CATSPERT: variants seen among roughly 807,000 people sequenced by gnomAD.
CATSPERT encodes the protein cation channel sperm-associated targeting subunit tau.
chr2:201,487,776 C>G, the CATSPERT span: 2 of 1,614,108 alleles, frequency 1.2e-6, no homozygotes, highest in African/African-American at 1.3e-5. Context: ...TATGGTCTTG[C>G]AGAGTGTCTG....
the CATSPERT span, among the ~76,000 whole-genome samples, chr2:201,539,151 G>T: frequency 2.0e-5 from 3 of 152,094 alleles, no homozygotes; most frequent in Non-Finnish European, 4.4e-5. Flanking sequence ...CTTTATAAAA[G>T]AATGATTTAT....
chr2:201,605,617 C>A, the CATSPERT span, among the ~76,000 whole-genome samples: 2 of 152,020 alleles, frequency 1.3e-5, no homozygotes, highest in Non-Finnish European at 2.9e-5. Flanking sequence ...ATGACCATGG[C>A]CAAGAAATAC....
the CATSPERT span, among the ~76,000 whole-genome samples, chr2:201,544,341 C>G: frequency 6.6e-6 from 1 of 152,146 alleles, no homozygotes; most frequent in South Asian, 2.1e-4. Context: ...GTCTTTAGAG[C>G]AGCATGATTT....
chr2:201,611,528 C>T, the CATSPERT span, among the ~76,000 whole-genome samples: 1 of 152,006 alleles, frequency 6.6e-6, no homozygotes, highest in South Asian at 2.1e-4. Context: ...CTCAAATAAA[C>T]AACCTAACTT....
chr2:201,503,810 T>C, the CATSPERT span, among the ~76,000 whole-genome samples: 1 of 152,206 alleles, frequency 6.6e-6, no homozygotes, highest in African/African-American at 2.4e-5. Flanking sequence ...TATGCACATT[T>C]AAATTACTTG....
At chr2:201,534,859 T>C in the CATSPERT span, 3 of 729,482 alleles carry the variant, frequency 4.1e-6, no homozygotes, top group Non-Finnish European at 5.0e-6. Flanking sequence ...GAGGATATTC[T>C]ACATCTTGCA....
At chr2:201,502,004 C>G in the CATSPERT span, among the ~76,000 whole-genome samples, 1 of 152,162 alleles carries the variant, frequency 6.6e-6, no homozygotes, top group Non-Finnish European at 1.5e-5. Context: ...ACAAGCAAGT[C>G]CATCCTTCAG....
chr2:201,536,189 G>C, the CATSPERT span: 1 of 1,613,310 alleles, frequency 6.2e-7, no homozygotes, highest in Non-Finnish European at 8.5e-7. Flanking sequence ...TAGAAATAGT[G>C]CACAATGAGT....
At chr2:201,515,202 G>GTTTTTTTTTTTTTTTTTTT in the CATSPERT span, among the ~76,000 whole-genome samples, 29 of 24,672 alleles carry the variant, frequency 1.2e-3, 11 homozygotes, top group Admixed American at 5.0e-3. Context: ...TCTGCCCATA[G>GTTTTTTTTTTTTTTTTTTT]TTTTTTTTTT....
the CATSPERT span, among the ~76,000 whole-genome samples, chr2:201,532,547 AT>A: frequency 6.6e-6 from 1 of 152,208 alleles, no homozygotes; most frequent in Non-Finnish European, 1.5e-5. Context: ...TATAAATTAT[AT>A]TTAAAGTTAC....
the CATSPERT span, among the ~76,000 whole-genome samples, chr2:201,569,855 T>A: frequency 4.2e-4 from 64 of 152,262 alleles, no homozygotes; most frequent in Admixed American, 1.1e-3. Flanking sequence ...TGAGAGCCCT[T>A]TCTAACTCCC....
chr2:201,566,728 G>A, the CATSPERT span, among the ~76,000 whole-genome samples: 1 of 152,106 alleles, frequency 6.6e-6, no homozygotes, highest in Non-Finnish European at 1.5e-5. Flanking sequence ...CCAGTATTGG[G>A]ATGGCTGGGT....
chr2:201,565,023 AG>A, the CATSPERT span, among the ~76,000 whole-genome samples: 2 of 53,730 alleles, frequency 3.7e-5, no homozygotes, highest in Non-Finnish European at 8.4e-5. Flanking sequence ...AATAGAAACA[AG>A]AAAGAGCCTG....
At chr2:201,581,605 T>G in the CATSPERT span, among the ~76,000 whole-genome samples, 1 of 104,396 alleles carries the variant, frequency 9.6e-6, no homozygotes, top group Non-Finnish European at 1.9e-5. Flanking sequence ...CACATACATA[T>G]TCTGGAAAAT....
At chr2:201,502,384 C>A in the CATSPERT span, among the ~76,000 whole-genome samples, 1 of 151,880 alleles carries the variant, frequency 6.6e-6, no homozygotes, top group South Asian at 2.1e-4. Flanking sequence ...CCAGCCTGAC[C>A]AACATGATGA....
chr2:201,582,326 A>T, the CATSPERT span: 13 of 964,460 alleles, frequency 1.3e-5, no homozygotes, highest in Non-Finnish European at 1.9e-5. Context: ...TATTATGCAA[A>T]TACTATTGCA....
At chr2:201,488,015 G>T in the CATSPERT span, 1 of 819,910 alleles carries the variant, frequency 1.2e-6, no homozygotes, top group Non-Finnish European at 1.8e-6. Context: ...AAACAAACAA[G>T]GACTAAAGTT....
the CATSPERT span, chr2:201,582,214 G>A: frequency 1.3e-6 from 2 of 1,584,372 alleles, no homozygotes; most frequent in South Asian, 1.2e-5. Context: ...TAACGTCTGG[G>A]AACCTCAATA....
the CATSPERT span, among the ~76,000 whole-genome samples, chr2:201,564,557 G>C: frequency 6.6e-6 from 1 of 152,166 alleles, no homozygotes; most frequent in Non-Finnish European, 1.5e-5. Flanking sequence ...TTCATATGTT[G>C]AAATCCTAAT....
Sources: gnomAD v4.1 joint callset for allele counts (sites outside exome capture counted in the v4.1 genomes callset) on GRCh38, gnomAD v4.1.1 for gene constraint, MANE v1.5 for transcripts, NCBI Gene and HGNC (gene_info 2026-07-23, HGNC 2026-07-21) for gene names.